RGS7: variants seen among roughly 807,000 people sequenced by gnomAD.
RGS7 encodes regulator of G-protein signaling 7.
RGS7 carries 27 observed loss-of-function variants against 81.1 expected under a neutral mutation model. The observed-to-expected ratio is 0.33, with a 90% confidence interval of 0.25 to 0.46. The LOEUF (loss-of-function observed/expected upper bound fraction) is 0.46. Ranked by LOEUF, RGS7 falls within the 20% of genes least tolerant of loss-of-function variation. The pLI, the probability that RGS7 is intolerant of heterozygous loss-of-function variation, is 1.00. For synonymous variants in RGS7, 208 were observed against 207.7 expected (o/e 1.00, Z -0.01); for missense variants, 396 against 607.4 (o/e 0.65, Z 3.66).
intron 10 of RGS7, among the ~76,000 whole-genome samples, chr1:240,819,088 A>G (rs1343291196): frequency 6.6e-6 from 1 of 152,228 alleles, no homozygotes; most frequent in Admixed American, 6.5e-5. Context: ...AAAGATCACC[A>G]ATTATATAAT....
At chr1:241,014,845 C>T (rs2148671514) in intron 3 of RGS7, among the ~76,000 whole-genome samples, 1 of 152,244 alleles carries the variant, frequency 6.6e-6, no homozygotes, top group African/African-American at 2.4e-5. Context: ...TTTCAGCTGG[C>T]CATGAAGAAT....
chr1:240,892,610 C>A (rs2148151519), intron 6 of RGS7, among the ~76,000 whole-genome samples: 1 of 152,228 alleles, frequency 6.6e-6, no homozygotes, highest in South Asian at 2.1e-4. Context: ...TAAACTGGAA[C>A]CTAACTGTAT....
intron 3 of RGS7, among the ~76,000 whole-genome samples, chr1:241,062,083 C>T (rs1467851984): frequency 6.6e-6 from 1 of 152,198 alleles, no homozygotes; most frequent in Non-Finnish European, 1.5e-5. Context: ...CGCCAACTTT[C>T]AAAACCTTAT....
intron 18 of RGS7, among the ~76,000 whole-genome samples, chr1:240,785,925 G>A (rs569272534): frequency 5.3e-5 from 8 of 152,184 alleles, no homozygotes; most frequent in Admixed American, 1.3e-4. Flanking sequence ...TCGAATTCTT[G>A]AGAATTAAGA....
intron 2 of RGS7, among the ~76,000 whole-genome samples, chr1:241,182,446 C>T (rs2071702508): frequency 6.6e-6 from 1 of 152,150 alleles, no homozygotes; most frequent in African/African-American, 2.4e-5. Context: ...CACACAACCC[C>T]CAGCTCCGTC....
intron 3 of RGS7, among the ~76,000 whole-genome samples, chr1:241,022,494 A>G (rs1276671057): frequency 1.3e-5 from 2 of 152,178 alleles, no homozygotes; most frequent in African/African-American, 4.8e-5. Flanking sequence ...TACTTTGCAG[A>G]GTCTACATTC....
At chr1:241,268,599 G>A (rs1374957933) in intron 2 of RGS7, among the ~76,000 whole-genome samples, 1 of 152,132 alleles carries the variant, frequency 6.6e-6, no homozygotes, top group Non-Finnish European at 1.5e-5. Flanking sequence ...GTGGTTTCCT[G>A]AAGCTAGGAG....
chr1:240,796,488 C>T (rs1385976344), intron 18 of RGS7, among the ~76,000 whole-genome samples: 1 of 152,078 alleles, frequency 6.6e-6, no homozygotes, highest in Non-Finnish European at 1.5e-5. Flanking sequence ...GAGTCCAAGA[C>T]CAGCCTGCCC....
intron 3 of RGS7, among the ~76,000 whole-genome samples, chr1:240,988,888 G>C (rs1040357908): frequency 2.0e-5 from 3 of 152,204 alleles, no homozygotes; most frequent in African/African-American, 7.2e-5. Flanking sequence ...TCACAGCTAT[G>C]TCTTGGTGCT....
At chr1:241,059,367 C>T (rs992793709) in intron 3 of RGS7, among the ~76,000 whole-genome samples, 2 of 152,160 alleles carry the variant, frequency 1.3e-5, no homozygotes, top group Admixed American at 1.3e-4. Flanking sequence ...CTTTAAAATA[C>T]TTCCATATGA....
intron 2 of RGS7, among the ~76,000 whole-genome samples, chr1:241,227,960 C>T (rs1374623899): frequency 3.3e-5 from 5 of 152,186 alleles, no homozygotes; most frequent in Non-Finnish European, 7.3e-5. Context: ...GGAACTCTAA[C>T]TTGCCTCCCT....
chr1:240,932,876 CTTTTTTT>C (rs36194238), intron 5 of RGS7, among the ~76,000 whole-genome samples: 1 of 57,294 alleles, frequency 1.7e-5, no homozygotes, highest in Non-Finnish European at 3.1e-5. Context: ...TGGTATCTTT[CTTTTTTT>C]TTTTTTTTTT....
intron 9 of RGS7, among the ~76,000 whole-genome samples, chr1:240,827,690 C>G (rs566732332): frequency 6.6e-6 from 1 of 152,022 alleles, no homozygotes; most frequent in East Asian, 1.9e-4. Context: ...TGGTGAAACC[C>G]TGTCTCTACT....
chr1:240,860,777 T>C, intron 9 of RGS7, among the ~76,000 whole-genome samples: 1 of 152,148 alleles, frequency 6.6e-6, no homozygotes, highest in Non-Finnish European at 1.5e-5. Context: ...GTTTAACTAT[T>C]ACCTTTAGCT....
intron 12 of RGS7, 76 bp from the exon 13 acceptor site, chr1:240,813,804 T>C: frequency 1.1e-6 from 1 of 913,124 alleles, no homozygotes; most frequent in Non-Finnish European, 1.8e-6. Flanking sequence ...GGGAAAACAA[T>C]ATAAAAATGT....
intron 2 of RGS7, among the ~76,000 whole-genome samples, chr1:241,173,976 T>C (rs1265325136): frequency 6.6e-6 from 1 of 152,276 alleles, no homozygotes; most frequent in East Asian, 1.9e-4. Flanking sequence ...GAAAGCACCA[T>C]TCATGCTTCT....
At chr1:240,823,031 G>C (rs1692091471) in intron 10 of RGS7, 1 of 586,014 alleles carries the variant, frequency 1.7e-6, no homozygotes, top group Non-Finnish European at 3.1e-6. Flanking sequence ...AGTTTCAAAT[G>C]TTCTGGTAAA....
At chr1:241,149,937 G>A (rs973533122) in intron 2 of RGS7, among the ~76,000 whole-genome samples, 2 of 151,974 alleles carry the variant, frequency 1.3e-5, no homozygotes, top group East Asian at 1.9e-4. Flanking sequence ...CACCATGCCC[G>A]GCTAATTTTT....
intron 4 of RGS7, among the ~76,000 whole-genome samples, chr1:240,947,042 C>CTGTA (rs1272085311): frequency 6.6e-6 from 1 of 151,980 alleles, no homozygotes; most frequent in Admixed American, 6.6e-5. Flanking sequence ...ATTCTAGATG[C>CTGTA]TGTAGGTGAT....
Sources: gnomAD v4.1 joint callset for allele counts (sites outside exome capture counted in the v4.1 genomes callset) on GRCh38, gnomAD v4.1.1 for gene constraint, MANE v1.5 for transcripts, NCBI Gene and HGNC (gene_info 2026-07-23, HGNC 2026-07-21) for gene names.